Variants in LRP1B observed in about 807,000 individuals in gnomAD.
The protein encoded by LRP1B is low-density lipoprotein receptor-related protein 1B.
LRP1B carries 217 observed loss-of-function variants against 556.6 expected under a neutral mutation model. The observed-to-expected ratio is 0.39, with a 90% CI of 0.35 to 0.44. LRP1B has a LOEUF of 0.44. Among genes scored for constraint, LRP1B ranks in the 20% least tolerant of loss-of-function variants. The pLI is 1.00. For synonymous variants in LRP1B, 2,047 were observed against 1,865.8 expected (o/e 1.10, Z -2.50); for missense variants, 5,053 against 5,620.8 (o/e 0.90, Z 3.23).
chr2:140,482,362 C>T (rs906912103), intron 59 of LRP1B, among the ~76,000 whole-genome samples: 43 of 152,076 alleles, frequency 2.8e-4, no homozygotes, highest in African/African-American at 9.2e-4. Context: ...ACTAAAGTGA[C>T]ACCTTAATTA....
At chr2:141,115,863 C>T (rs937973786) in intron 7 of LRP1B, among the ~76,000 whole-genome samples, 3 of 152,056 alleles carry the variant, frequency 2.0e-5, no homozygotes, top group African/African-American at 4.8e-5. Context: ...TTTCATTTTG[C>T]TTTCACACAC....
chr2:140,953,955 G>C (rs947822318), intron 18 of LRP1B, among the ~76,000 whole-genome samples: 2 of 152,020 alleles, frequency 1.3e-5, no homozygotes, highest in Non-Finnish European at 2.9e-5. Flanking sequence ...TACCTAAACC[G>C]TTATTTTAAT....
At chr2:140,313,640 CAATT>C (rs1039063647) in intron 83 of LRP1B, among the ~76,000 whole-genome samples, 14 of 151,650 alleles carry the variant, frequency 9.2e-5, no homozygotes, top group South Asian at 2.1e-4. Flanking sequence ...AATTTCCAAA[CAATT>C]AATTTTTTAT....
chr2:141,866,216 T>C (rs1698410023), intron 1 of LRP1B, among the ~76,000 whole-genome samples: 1 of 152,228 alleles, frequency 6.6e-6, no homozygotes, highest in South Asian at 2.1e-4. Flanking sequence ...TGTAGAATAC[T>C]GTGCTGTCTT....
rs200564561 is a variant in LRP1B, at chr2:141,576,816, C to CT, written c.206-96284dup. On this transcript the variant is annotated intron_variant, in intron 2 of 90. Coordinates refer to ENST00000389484, the MANE Select transcript of LRP1B (RefSeq NM_018557.3). ...GCATACATTAATACTCAGGTCTTTTCTTTTTTTTTTTTAAATTTTTTTGTA... is the reference window on the plus strand; with the variant it reads ...GCATACATTAATACTCAGGTCTTTTCTTTTTTTTTTTTTAAATTTTTTTGTA... Among the ~76,000 whole-genome samples, 424 of 130,236 alleles carry CT rather than the reference C, an allele frequency of 3.3e-3. 3 individuals are homozygous for CT. Among genetic ancestry groups the CT allele is most frequent in the Non-Finnish European group, 4.3e-3 (262 of 60,702 alleles). The allele number at this position is 130,236 out of a possible 152,430, so 85.4% of individuals were successfully genotyped here.
At chr2:142,074,594 G>A (rs1705433863) in intron 1 of LRP1B, among the ~76,000 whole-genome samples, 1 of 151,902 alleles carries the variant, frequency 6.6e-6, no homozygotes, top group Non-Finnish European at 1.5e-5. Context: ...CATTCAATAT[G>A]TTTCCAGCTG....
chr2:141,259,255 T>C (rs1018492361), intron 3 of LRP1B, among the ~76,000 whole-genome samples: 9 of 152,026 alleles, frequency 5.9e-5, no homozygotes, highest in African/African-American at 1.9e-4. Context: ...GGTGGTAGAG[T>C]ATTGTGTTGA....
At chr2:140,466,585 A>G (rs775002000) in intron 60 of LRP1B, among the ~76,000 whole-genome samples, 1 of 152,236 alleles carries the variant, frequency 6.6e-6, no homozygotes, top group Non-Finnish European at 1.5e-5. Flanking sequence ...AAAAGAGTTC[A>G]GTGGTAAACT....
intron 32 of LRP1B, among the ~76,000 whole-genome samples, chr2:140,780,598 T>G (rs1255799566): frequency 6.6e-6 from 1 of 152,180 alleles, no homozygotes. Flanking sequence ...CCAATGGGTC[T>G]TGAGCAGAAA....
At chr2:142,018,461 A>C (rs1006970562) in intron 1 of LRP1B, among the ~76,000 whole-genome samples, 11 of 152,172 alleles carry the variant, frequency 7.2e-5, no homozygotes, top group Non-Finnish European at 1.3e-4. Context: ...ATAATAGAAA[A>C]GAGTTTATTT....
intron 14 of LRP1B, among the ~76,000 whole-genome samples, chr2:141,010,467 A>G (rs1573977792): frequency 6.6e-6 from 1 of 152,048 alleles, no homozygotes; most frequent in East Asian, 1.9e-4. Context: ...TATGTTATCT[A>G]TTTATATCTA....
chr2:142,061,838 T>C (rs1704929814), intron 1 of LRP1B, among the ~76,000 whole-genome samples: 2 of 152,132 alleles, frequency 1.3e-5, no homozygotes, highest in Non-Finnish European at 2.9e-5. Flanking sequence ...ATTCTTCCAG[T>C]GTAAGGACAG....
intron 36 of LRP1B, 90 bp downstream of exon 36, chr2:140,716,592 G>C (rs773908600): frequency 7.6e-7 from 1 of 1,319,960 alleles, no homozygotes; most frequent in African/African-American, 1.5e-5. Flanking sequence ...TAAAAGCACT[G>C]TTATGAGTTA....
chr2:140,822,109 AG>A (rs1297104532), intron 31 of LRP1B, among the ~76,000 whole-genome samples: 1 of 152,232 alleles, frequency 6.6e-6, no homozygotes, highest in African/African-American at 2.4e-5. Context: ...TGACAAGCCA[AG>A]TTCCTTTATA....
chr2:141,368,881 G>GT (rs144284896), intron 3 of LRP1B, among the ~76,000 whole-genome samples: 4,499 of 151,668 alleles, frequency 0.03, 225 homozygotes, highest in African/African-American at 0.1. Flanking sequence ...TTAAAGAAAA[G>GT]TTTTTTTTCT....
chr2:142,001,476 AT>A (rs1287018980), intron 1 of LRP1B, among the ~76,000 whole-genome samples: 1 of 152,198 alleles, frequency 6.6e-6, no homozygotes, highest in African/African-American at 2.4e-5. Context: ...CTTAGTAATT[AT>A]TTGTTAATTG....
chr2:141,060,565 A>G (rs781121944), intron 8 of LRP1B, among the ~76,000 whole-genome samples: 4 of 151,790 alleles, frequency 2.6e-5, no homozygotes, highest in Non-Finnish European at 5.9e-5. Flanking sequence ...GTTTGGGGCC[A>G]TCAACCAAGG....
chr2:140,436,030 C>T (rs938188529), intron 66 of LRP1B, among the ~76,000 whole-genome samples: 1 of 151,866 alleles, frequency 6.6e-6, no homozygotes, highest in Non-Finnish European at 1.5e-5. Flanking sequence ...TAAATACATT[C>T]ACACATACAA....
intron 3 of LRP1B, among the ~76,000 whole-genome samples, chr2:141,259,080 T>C (rs1684590910): frequency 1.3e-5 from 2 of 152,182 alleles, no homozygotes; most frequent in Non-Finnish European, 2.9e-5. Context: ...TTACAAGTAA[T>C]GGGTAGCTTT....
Sources: gnomAD v4.1 joint callset for allele counts (sites outside exome capture counted in the v4.1 genomes callset) on GRCh38, gnomAD v4.1.1 for gene constraint, MANE v1.5 for transcripts, NCBI Gene and HGNC (gene_info 2026-07-23, HGNC 2026-07-21) for gene names.